The following LBR variants were observed in gnomAD, a reference collection of about 807,000 sequenced individuals.
The protein encoded by LBR is lamin B receptor.
Under a neutral mutation model 74.3 loss-of-function variants are expected in LBR, and 28 were observed. The observed-to-expected ratio is 0.38, with a 90% CI of 0.28 to 0.52. The LOEUF (loss-of-function observed/expected upper bound fraction) is 0.52, where lower values mean the gene tolerates loss of function less well. LBR is among the 20% of genes least tolerant of loss of function. The pLI is 0.89. For missense variants in LBR, 717 were observed against 760.3 expected (o/e 0.94, Z 0.67); for synonymous variants, 228 against 269.3 (o/e 0.85, Z 1.50).
At chr1:225,419,204 G>A in intron 5 of LBR, 59 bp downstream of exon 5, 1 of 1,536,058 alleles carries the variant, frequency 6.5e-7, no homozygotes, top group Non-Finnish European at 9.0e-7. Flanking sequence ...AGTTCACCTT[G>A]TGGCAACCAC....
At chr1:225,410,755 A>G (rs944660005) in intron 9 of LBR, among the ~76,000 whole-genome samples, 3 of 152,256 alleles carry the variant, frequency 2.0e-5, no homozygotes, top group Admixed American at 1.3e-4. Context: ...CTAAACAACT[A>G]TTAGACTAGA....
chr1:225,405,389 C>T (rs372689567), intron 11 of LBR, among the ~76,000 whole-genome samples: 3 of 152,296 alleles, frequency 2.0e-5, no homozygotes, highest in Non-Finnish European at 4.4e-5. Flanking sequence ...GTGTTGGAAA[C>T]GTAATCCTCA....
At position 225,417,008 on chromosome 1, in the gene LBR, T is replaced by C. The variant is rs560249041; in HGVS notation, c.837+976A>G. Among the ~76,000 whole-genome samples the C allele has an allele frequency of 4.6e-5, 7 of 152,268 alleles. No homozygotes were observed. The South Asian group carries it at 1.2e-3, about 27-fold the overall frequency. The stretch of plus-strand genomic sequence containing the variant: ...CATAATATTAATATATATTTTAATA[T>C]ATATGCTTTTAGTCACTTTAGTCTA... On this transcript the variant is annotated intron_variant, in intron 6 of 13. Coordinates refer to ENST00000272163, the MANE Select transcript of LBR (RefSeq NM_002296.4).
chr1:225,423,444 C>A (rs1308798954), intron 2 of LBR, among the ~76,000 whole-genome samples: 1 of 152,046 alleles, frequency 6.6e-6, no homozygotes, highest in Non-Finnish European at 1.5e-5. Context: ...TAGCCCTCCC[C>A]TACCACCCCC....
intron 5 of LBR, among the ~76,000 whole-genome samples, chr1:225,418,777 C>CTT (rs886372882): frequency 6.6e-6 from 1 of 152,200 alleles, no homozygotes; most frequent in Non-Finnish European, 1.5e-5. Context: ...CACTTAGTAA[C>CTT]TCCAAAACTC....
chr1:225,414,590 A>G (rs2096113462), intron 7 of LBR, among the ~76,000 whole-genome samples: 1 of 152,210 alleles, frequency 6.6e-6, no homozygotes, highest in East Asian at 1.9e-4. Context: ...CTGCCCAGCA[A>G]GCTCACAACT....
In LBR at chr1:225,419,705, A is replaced by C. The variant is rs2096124119; in HGVS notation, c.450+10T>G. ...AAAAACAACCAAGATGAAAGGGAAC[A>C]CTTTCCCACCTGTGTATTTTTATGA... On this transcript the variant is annotated intron_variant, in intron 4 of 13. Coordinates refer to ENST00000272163, the MANE Select transcript of LBR (RefSeq NM_002296.4). 1 of 1,594,222 alleles carries C rather than the reference A, an allele frequency of 6.3e-7. No homozygotes were observed. The highest frequency in any genetic ancestry group is 1.3e-5 in the African/African-American group (1 of 74,324).
chr1:225,404,830 G>C lies in LBR; in HGVS notation c.1484-124C>G. 3 of 743,466 alleles carry C rather than the reference G, an allele frequency of 4.0e-6. No individual in the cohort carries two copies. The Admixed American group carries it at 6.9e-5, about 17-fold the overall frequency. The allele number at this position is 743,466 out of a possible 1,614,324, so 46.1% of individuals were successfully genotyped here. A position where few individuals can be genotyped will look rare whatever the true frequency, so the allele number is the denominator to read the frequency against. On this transcript the variant is annotated intron_variant, in intron 11 of 13. Coordinates refer to ENST00000272163, the MANE Select transcript of LBR (RefSeq NM_002296.4). ...GGAAATTTCCAAAGCAGACTCCTAGGCTCAAGAGATCCTCCTGCTTCAGCC... is the reference window on the plus strand; with the variant it reads ...GGAAATTTCCAAAGCAGACTCCTAGCCTCAAGAGATCCTCCTGCTTCAGCC...
rs1447951544 is a variant in LBR at position 225,401,626 on chromosome 1, T to C, written c.*1677A>G. On this transcript the variant is annotated 3_prime_UTR_variant, in exon 14 of 14. Transcript: ENST00000272163. ...GATATCCAGAAATTGCAGCACTGTA[T>C]TGATAAAGGGCTCTTTTCATTACCA... The C allele has an allele frequency of 1.3e-5, 2 of 152,220 alleles. No homozygotes were observed. Among genetic ancestry groups the C allele is most frequent in the East Asian group, 1.9e-4 (1 of 5,204 alleles). 9.4% of individuals were successfully genotyped at this position (152,220 alleles called of 1,614,324 possible).
intron 1 of LBR, among the ~76,000 whole-genome samples, chr1:225,425,782 A>G (rs1458872717): frequency 3.9e-5 from 6 of 152,086 alleles, no homozygotes; most frequent in Admixed American, 2.6e-4. Context: ...GCCAGAGTTA[A>G]AAGAAGGCAA....
At position 225,419,754 on chromosome 1, in the gene LBR, C is replaced by T; in HGVS notation, c.411G>A (p.Glu137=). The T allele has an allele frequency of 1.2e-6, 2 of 1,612,646 alleles. No homozygotes were observed. Among genetic ancestry groups the T allele is most frequent in the Non-Finnish European group, 1.7e-6 (2 of 1,179,152 alleles). ...GAGGTGCGTCATTTCTCTCAATATGCTCAGGCTCCCCATTATATCTGCTGA... is the reference window on the plus strand; with the variant it reads ...GAGGTGCGTCATTTCTCTCAATATGTTCAGGCTCCCCATTATATCTGCTGA... ...NSISRYNGEP[E]HIERNDAPHK... Residue 137 remains glutamate, a synonymous_variant, in exon 4 of 14, where the codon GAG becomes GAA. Transcript: ENST00000272163.
Position 225,418,032 on chromosome 1 carries a change from G to C in LBR, c.789C>G (p.Leu263=), listed in dbSNP as rs567822928. ...LWETRVFGVY[L]LWFLIQVLFY... is the part of the protein sequence containing the mutation. Reference sequence around the variant, plus strand: ...ACAGGACTTGAATCAAAAACCACAGGAGGTAGACCCCAAATACTCTGGTTT... The same window carrying C: ...ACAGGACTTGAATCAAAAACCACAGCAGGTAGACCCCAAATACTCTGGTTT... Residue 263 remains leucine (L), a synonymous_variant, in exon 6 of 14, where the codon CTC becomes CTG. Transcript: ENST00000272163. The C allele has an allele frequency of 6.2e-6, 10 of 1,614,166 alleles. No individual in the cohort carries two copies. In the African/African-American group the frequency reaches 1.2e-4, roughly 19 times the overall value.
intron 2 of LBR, 56 bp downstream of exon 2, chr1:225,423,855 T>TA (rs1251789573): frequency 1.2e-5 from 18 of 1,505,590 alleles, no homozygotes; most frequent in Admixed American, 1.0e-4. Context: ...AAACCATACT[T>TA]AGAGTTATTT....
intron 6 of LBR, among the ~76,000 whole-genome samples, 185 bp from the exon 7 acceptor site, chr1:225,415,517 C>T (rs1055321573): frequency 6.6e-6 from 1 of 152,152 alleles, no homozygotes; most frequent in Non-Finnish European, 1.5e-5. Flanking sequence ...TTTAATGACG[C>T]AATTCCACCT....
chr1:225,407,711 G>A (rs1010206537), intron 10 of LBR, among the ~76,000 whole-genome samples: 13 of 152,262 alleles, frequency 8.5e-5, no homozygotes, highest in Non-Finnish European at 1.8e-4. Flanking sequence ...TATAAGCTCT[G>A]TTGGAGAATC....
intron 11 of LBR, among the ~76,000 whole-genome samples, chr1:225,405,541 C>G (rs2096089769): frequency 6.6e-6 from 1 of 152,166 alleles, no homozygotes; most frequent in Admixed American, 6.5e-5. Context: ...TTCAGCCCCT[C>G]TTGCTCTTCC....
intron 9 of LBR, among the ~76,000 whole-genome samples, chr1:225,410,701 A>G (rs1206365368): frequency 2.0e-5 from 3 of 152,248 alleles, no homozygotes; most frequent in Non-Finnish European, 4.4e-5. Context: ...ATAACCAACC[A>G]GTACCTTCCA....
chr1:225,404,448 T>C lies in LBR; in HGVS notation c.1643A>G (p.Tyr548Cys), dbSNP rs781561574. Residue 548 changes from tyrosine to cysteine, a missense_variant, in exon 13 of 14, where the codon TAC (tyrosine) becomes TGC (cysteine). Tyr to Cys is a radical substitution (Grantham distance 194). Coordinates refer to ENST00000272163, the MANE Select transcript of LBR (RefSeq NM_002296.4). ...GWWGFVRHPNYLGDLIMALAW... is the reference protein window; with the variant it reads ...GWWGFVRHPNCLGDLIMALAW... The stretch of plus-strand genomic sequence containing the variant: ...CAAGGCCATGATGAGATCACCCAAG[T>C]AATTGGGGTGGCGAACAAAGCCCCA... The C allele has an allele frequency of 6.2e-7, 1 of 1,614,198 alleles. No homozygotes were observed. The highest frequency in any genetic ancestry group is 2.2e-5 in the East Asian group (1 of 44,878).
intron 2 of LBR, chr1:225,422,521 G>A (rs771341058): frequency 9.6e-6 from 5 of 521,408 alleles, no homozygotes; most frequent in Admixed American, 3.1e-5. Context: ...TCCATGAAAC[G>A]AATGTATCTA....
Sources: gnomAD v4.1 joint callset for allele counts (sites outside exome capture counted in the v4.1 genomes callset) on GRCh38, gnomAD v4.1.1 for gene constraint, MANE v1.5 for transcripts, NCBI Gene and HGNC (gene_info 2026-07-23, HGNC 2026-07-21) for gene names.